The following ATXN7 variants were observed in gnomAD, a reference collection of about 807,000 sequenced individuals.
The protein encoded by ATXN7 is ataxin-7.
Under a neutral mutation model 70.5 loss-of-function variants are expected in ATXN7, and 12 were observed. That is an observed-to-expected ratio of 0.17 (90% CI 0.11 to 0.28). The LOEUF is 0.28. Ranked by LOEUF, ATXN7 falls within the 10% of genes least tolerant of loss-of-function variation. The pLI, the probability that ATXN7 is intolerant of heterozygous loss-of-function variation, is 1.00. For synonymous variants in ATXN7, 498 were observed against 448.7 expected, an observed-to-expected ratio of 1.11 and a Z score of -1.39; for missense variants, 1,256 against 1,131.7, an observed-to-expected ratio of 1.11 and a Z score of -1.58.
At chr3:63,966,136 G>A (rs550171865) in intron 5 of ATXN7, among the ~76,000 whole-genome samples, 1 of 152,144 alleles carries the variant, frequency 6.6e-6, no homozygotes, top group Non-Finnish European at 1.5e-5. Context: ...GTACGAAAGG[G>A]AATATTAGAA....
At chr3:63,877,161 A>G (rs1702768154) in intron 1 of ATXN7, among the ~76,000 whole-genome samples, 1 of 152,224 alleles carries the variant, frequency 6.6e-6, no homozygotes, top group Non-Finnish European at 1.5e-5. Context: ...AGTTTCAAGA[A>G]TTACATAAAT....
chr3:63,935,371 T>A (rs1575919310), intron 4 of ATXN7, among the ~76,000 whole-genome samples: 1 of 152,272 alleles, frequency 6.6e-6, no homozygotes, highest in Middle Eastern at 3.4e-3. Flanking sequence ...ATTTCCAAGA[T>A]GCCTACTTTT....
intron 2 of ATXN7, among the ~76,000 whole-genome samples, chr3:63,903,251 C>T (rs905654222): frequency 1.3e-5 from 2 of 151,730 alleles, no homozygotes; most frequent in East Asian, 1.9e-4. Context: ...AAAAATTAGC[C>T]GAGCTTGGGC....
intron 5 of ATXN7, among the ~76,000 whole-genome samples, chr3:63,966,243 T>G (rs1242899880): frequency 2.0e-5 from 3 of 152,144 alleles, no homozygotes; most frequent in East Asian, 3.9e-4. Context: ...AGAAAGATCC[T>G]CCTACCCTGT....
rs1357459591 is a variant in ATXN7 at position 64,000,811 on chromosome 3, C to G, written c.*1344C>G. 1 of 107,388 alleles carries G rather than the reference C, an allele frequency of 9.3e-6. No homozygotes were observed. Among genetic ancestry groups the G allele is most frequent in the African/African-American group, 3.7e-5 (1 of 27,118 alleles). The allele number at this position is 107,388 out of a possible 1,614,324, so 6.7% of individuals were successfully genotyped here. On this transcript the variant is annotated 3_prime_UTR_variant, in exon 13 of 13. Transcript: ENST00000674280. ...ATTTTTTCTAGTACCCCACCCCCCACCCCTAAAGAAAGACCTTAATATGTT... is the reference window on the plus strand; with the variant it reads ...ATTTTTTCTAGTACCCCACCCCCCAGCCCTAAAGAAAGACCTTAATATGTT...
chr3:63,982,380 C>T lies in ATXN7; in HGVS notation c.947C>T (p.Pro316Leu), dbSNP rs1269920300. ...AATGGCAAAGGGCTTCCTGCACCGC[C>T]CACTCTGGAAAAGAAACCTGAAGAC... The part of the protein sequence containing the change: ...ILNGKGLPAP[P>L]TLEKKPEDNS... Residue 316 changes from proline (P) to leucine (L), a missense_variant, in exon 7 of 13, where the codon CCC (proline) becomes CTC (leucine). Pro to Leu is a moderately conservative substitution (Grantham distance 98). Transcript: ENST00000674280. The T allele has an allele frequency of 6.2e-7, 1 of 1,613,840 alleles. No individual in the cohort carries two copies. The highest frequency in any genetic ancestry group is 8.5e-7 in the Non-Finnish European group (1 of 1,179,846).
chr3:63,865,538 G>T (rs921290312), intron 1 of ATXN7, among the ~76,000 whole-genome samples: 5 of 152,156 alleles, frequency 3.3e-5, no homozygotes, highest in Admixed American at 3.3e-4. Context: ...AACTGAAATT[G>T]TCAATTGATT....
intron 1 of ATXN7, among the ~76,000 whole-genome samples, chr3:63,888,512 C>T (rs115860225): frequency 0.028 from 4,235 of 152,248 alleles, 79 homozygotes; most frequent in Middle Eastern, 0.068. Context: ...GGCGCAGTGG[C>T]TCATGCCTAT....
In ATXN7 at chr3:63,990,236, T is replaced by A; in HGVS notation, c.1422T>A (p.His474Gln). ...GSAPIDPPPV[H>Q]ESPHPPLPAT... ...CCCCCATTGACCCTCCTCCAGTCCA[T>A]GAATCTCCACACCCTCCCCTGCCTG... is the stretch of plus-strand genomic sequence containing the variant. Residue 474 changes from histidine (H) to glutamine (Q), a missense_variant, in exon 10 of 13, where the codon CAT becomes CAA. Transcript: ENST00000674280. The A allele has an allele frequency of 6.2e-7, 1 of 1,613,886 alleles. No homozygotes were observed. The highest frequency in any genetic ancestry group is 8.5e-7 in the Non-Finnish European group (1 of 1,179,982).
intron 5 of ATXN7, among the ~76,000 whole-genome samples, chr3:63,959,737 G>A (rs1186487054): frequency 6.6e-6 from 1 of 152,020 alleles, no homozygotes; most frequent in African/African-American, 2.4e-5. Context: ...GTCATTTGTA[G>A]GAGCAACATT....
At chr3:63,895,448 C>T (rs1225466940) in intron 1 of ATXN7, among the ~76,000 whole-genome samples, 1 of 151,906 alleles carries the variant, frequency 6.6e-6, no homozygotes, top group Non-Finnish European at 1.5e-5. Flanking sequence ...ATAACACATT[C>T]TGGTGATAGC....
chr3:63,947,506 C>T (rs777731040), intron 4 of ATXN7, among the ~76,000 whole-genome samples: 18 of 152,026 alleles, frequency 1.2e-4, no homozygotes, highest in Admixed American at 4.6e-4. Flanking sequence ...GTGGAAGGAT[C>T]GTTTGAGCCT....
intron 11 of ATXN7, 177 bp downstream of exon 11, chr3:63,991,036 C>A: frequency 1.2e-6 from 1 of 843,878 alleles, no homozygotes; most frequent in Non-Finnish European, 1.8e-6. Flanking sequence ...CCCACAACTA[C>A]ATATTGTTGT....
chr3:63,881,520 G>A (rs1304261695), intron 1 of ATXN7, among the ~76,000 whole-genome samples: 3 of 139,926 alleles, frequency 2.1e-5, no homozygotes, highest in East Asian at 2.1e-4. Context: ...ACGGAGTCTC[G>A]CTCTGTCGCC....
rs765549180 is a variant in ATXN7 at position 63,988,106 on chromosome 3, A to T, written c.1143A>T (p.Arg381=). 7.4e-6 allele frequency: 12 copies of T among 1,613,996 alleles called. No homozygotes were observed. The highest frequency in any genetic ancestry group is 1.7e-5 in the Admixed American group (1 of 59,992). The change falls in exon 9 of 13, where the codon CGA becomes CGT. Residue 381 remains arginine, a synonymous_variant. Transcript: ENST00000674280. ...GGGCTGTCCAGGGTAGAAGAAAACG[A>T]TTTGATGTGTTATTAGCCGAGCACA... ...QRRAVQGRRK[R]FDVLLAEHKN...
At chr3:63,911,100 C>G (rs1352504069) in intron 2 of ATXN7, among the ~76,000 whole-genome samples, 1 of 152,138 alleles carries the variant, frequency 6.6e-6, no homozygotes, top group East Asian at 1.9e-4. Flanking sequence ...GCAAGCATCT[C>G]TGACACACAT....
Position 63,982,953 on chromosome 3 carries a change from C to T in ATXN7, c.1027C>T (p.Pro343Ser). The change falls in exon 8 of 13, where the codon CCT becomes TCT. Residue 343 changes from proline to serine, a missense_variant. Coordinates refer to ENST00000674280, the MANE Select transcript of ATXN7 (RefSeq NM_001377405.1). ...TCTTTTGACAGAAAGAGAGTTTGAT[C>T]CTGACATCCACTGTGGGGTTATTGA... is the stretch of plus-strand genomic sequence containing the variant. ...NKRLSEREFD[P>S]DIHCGVIDLD... 1 of 1,613,842 alleles carries T rather than the reference C, an allele frequency of 6.2e-7. No homozygotes were observed. Among genetic ancestry groups the T allele is most frequent in the Non-Finnish European group, 8.5e-7 (1 of 1,179,876 alleles).
intron 2 of ATXN7, among the ~76,000 whole-genome samples, chr3:63,907,385 A>C (rs937848888): frequency 7.9e-5 from 12 of 151,938 alleles, no homozygotes; most frequent in Admixed American, 4.6e-4. Flanking sequence ...TAGCTGACGC[A>C]GTACACTAGA....
At chr3:63,955,576 C>G (rs923341783) in intron 5 of ATXN7, among the ~76,000 whole-genome samples, 1 of 152,128 alleles carries the variant, frequency 6.6e-6, no homozygotes, top group South Asian at 2.1e-4. Flanking sequence ...GGGGTTGTGA[C>G]AGGAAAGATT....
Sources: gnomAD v4.1 joint callset for allele counts (sites outside exome capture counted in the v4.1 genomes callset) on GRCh38, gnomAD v4.1.1 for gene constraint, MANE v1.5 for transcripts, NCBI Gene and HGNC (gene_info 2026-07-23, HGNC 2026-07-21) for gene names.